ZNF560: variants seen among roughly 807,000 people sequenced by gnomAD.
The protein encoded by ZNF560 is zinc finger protein 560.
In ZNF560, 54 loss-of-function variants were observed where a neutral mutation model predicts 81.8. That is an observed-to-expected ratio of 0.66 (90% CI 0.53 to 0.83). The LOEUF is 0.83. Among genes scored for constraint, ZNF560 ranks in the 40% least tolerant of loss-of-function variants. The pLI is 0.00. For missense variants in ZNF560, 940 were observed against 932.4 expected, an observed-to-expected ratio of 1.01 and a Z score of -0.11; for synonymous variants, 321 against 317.9, an observed-to-expected ratio of 1.01 and a Z score of -0.10.
chr19:9,494,774 G>C (rs2073529751), intron 2 of ZNF560, among the ~76,000 whole-genome samples: 1 of 152,050 alleles, frequency 6.6e-6, no homozygotes, highest in African/African-American at 2.4e-5. Flanking sequence ...AGGCATGGTG[G>C]CGAATGCCTG....
chr19:9,451,775 A>T, the ZNF560 span, among the ~76,000 whole-genome samples: 1 of 152,162 alleles, frequency 6.6e-6, no homozygotes, highest in East Asian at 1.9e-4. Flanking sequence ...AACAAATCCC[A>T]TTAAAAAATG....
intron 2 of ZNF560, among the ~76,000 whole-genome samples, chr19:9,480,884 G>C (rs560051807): frequency 6.6e-6 from 1 of 152,070 alleles, no homozygotes; most frequent in African/African-American, 2.4e-5. Flanking sequence ...TCAGGAATTC[G>C]AGACCAGCCT....
At chr19:9,449,219 ACACT>A in the ZNF560 span, among the ~76,000 whole-genome samples, 1 of 152,214 alleles carries the variant, frequency 6.6e-6, no homozygotes. Context: ...TGCACACAGA[ACACT>A]CAAAGACCAC....
At chr19:9,502,243 C>T (rs111923162), upstream of ZNF560, among the ~76,000 whole-genome samples, 7,350 of 152,056 alleles carry the variant, frequency 0.048, 613 homozygotes, top group African/African-American at 0.17. Context: ...GACAGAGTCT[C>T]GCTCTGTTGC....
In ZNF560 at chr19:9,470,391, C is replaced by G; in HGVS notation, c.448+1G>C. On this transcript the variant is annotated splice_donor_variant, in intron 7 of 9. Coordinates refer to ENST00000301480, the MANE Select transcript of ZNF560 (RefSeq NM_152476.3). LOFTEE classifies it high-confidence loss of function. ...GCTACAAGGGATGATGCCAGACTTA[C>G]CTACTGAGGACAGGTTCTTGTAGTT... 1 of 1,608,500 alleles carries G rather than the reference C, an allele frequency of 6.2e-7. No homozygotes were observed. The highest frequency in any genetic ancestry group is 8.5e-7 in the Non-Finnish European group (1 of 1,177,308).
At chr19:9,469,020 G>A (rs1435092577) in intron 9 of ZNF560, 85 bp downstream of exon 9, 1 of 1,089,712 alleles carries the variant, frequency 9.2e-7, no homozygotes, top group Non-Finnish European at 1.3e-6. Flanking sequence ...GAGCCACCGT[G>A]CCTGGCCATT....
At chr19:9,477,898 A>G (rs2073227540) in intron 2 of ZNF560, among the ~76,000 whole-genome samples, 1 of 152,210 alleles carries the variant, frequency 6.6e-6, no homozygotes, top group Non-Finnish European at 1.5e-5. Flanking sequence ...AAATTACAAG[A>G]TTCAAGGGAC....
chr19:9,460,670 C>A, the ZNF560 span, among the ~76,000 whole-genome samples: 1 of 152,116 alleles, frequency 6.6e-6, no homozygotes, highest in Admixed American at 6.6e-5. Flanking sequence ...AATGCCTGGA[C>A]GTAATCACTC....
At chr19:9,460,201 T>C in the ZNF560 span, among the ~76,000 whole-genome samples, 1,086 of 152,198 alleles carry the variant, frequency 7.1e-3, 10 homozygotes, top group African/African-American at 0.025. Context: ...GGTGGCAGCA[T>C]TGTCCAAGTT....
At chr19:9,483,982 G>A (rs2073345156) in intron 2 of ZNF560, among the ~76,000 whole-genome samples, 1 of 152,094 alleles carries the variant, frequency 6.6e-6, no homozygotes, top group Admixed American at 6.5e-5. Context: ...CTGTTGATCT[G>A]TGACCTTACC....
At chr19:9,504,856 G>A in the ZNF560 span, among the ~76,000 whole-genome samples, 6 of 152,142 alleles carry the variant, frequency 3.9e-5, no homozygotes, top group African/African-American at 1.4e-4. Flanking sequence ...GGAGGCCAAG[G>A]AGGGTGGATC....
chr19:9,487,552 A>G (rs2073405178), intron 2 of ZNF560, among the ~76,000 whole-genome samples: 1 of 152,216 alleles, frequency 6.6e-6, no homozygotes. Flanking sequence ...GAGGCATGCC[A>G]TGCCATGCAG....
intron 2 of ZNF560, among the ~76,000 whole-genome samples, chr19:9,484,094 C>T (rs2144713699): frequency 6.6e-6 from 1 of 152,260 alleles, no homozygotes; most frequent in South Asian, 2.1e-4. Flanking sequence ...TTGAAGGCAG[C>T]ATGCTCGTTA....
chr19:9,467,345 G>C lies in ZNF560; in HGVS notation c.1602C>G (p.His534Gln). The change falls in exon 10 of 10, where the codon CAC (histidine) becomes CAG (glutamine). Residue 534 changes from histidine to glutamine, a missense_variant. His to Gln is a conservative substitution (Grantham distance 24). Coordinates refer to ENST00000301480, the MANE Select transcript of ZNF560 (RefSeq NM_152476.3). ...PFTSSACLRI[H>Q]MRTHTEERLY... ...GTCTCTCTTCTGTGTGAGTTCGCAT[G>C]TGAATACGAAGACAGGCAGAAGAGG... 1 of 1,614,128 alleles carries C rather than the reference G, an allele frequency of 6.2e-7. No homozygotes were observed. Among genetic ancestry groups the C allele is most frequent in the Non-Finnish European group, 8.5e-7 (1 of 1,180,028 alleles).
chr19:9,463,942 C>T (rs576524276), downstream of ZNF560, among the ~76,000 whole-genome samples: 2 of 152,248 alleles, frequency 1.3e-5, no homozygotes, highest in East Asian at 1.9e-4. Flanking sequence ...CTTGGCCTCC[C>T]GAAGTGCTGG....
intron 2 of ZNF560, among the ~76,000 whole-genome samples, chr19:9,486,003 C>T (rs1292860303): frequency 6.6e-6 from 1 of 152,174 alleles, no homozygotes; most frequent in Non-Finnish European, 1.5e-5. Flanking sequence ...GGAGCATCAG[C>T]ACCAAACCAG....
chr19:9,446,408 A>G, the ZNF560 span, among the ~76,000 whole-genome samples: 1 of 148,710 alleles, frequency 6.7e-6, no homozygotes, highest in South Asian at 2.1e-4. Context: ...ACACACACAC[A>G]TAAAATATAG....
At chr19:9,479,389 AAAGG>A (rs150492871) in intron 2 of ZNF560, among the ~76,000 whole-genome samples, 6,909 of 152,122 alleles carry the variant, frequency 0.045, 524 homozygotes, top group African/African-American at 0.16. Context: ...ATTAAAAACA[AAAGG>A]GCAGGGGAAA....
the ZNF560 span, among the ~76,000 whole-genome samples, chr19:9,459,945 T>C: frequency 2.0e-5 from 3 of 151,952 alleles, no homozygotes; most frequent in Non-Finnish European, 2.9e-5. Flanking sequence ...TCTTTTACAT[T>C]ATGTCAGACA....
Sources: gnomAD v4.1 joint callset for allele counts (sites outside exome capture counted in the v4.1 genomes callset) on GRCh38, gnomAD v4.1.1 for gene constraint, MANE v1.5 for transcripts, NCBI Gene and HGNC (gene_info 2026-07-23, HGNC 2026-07-21) for gene names.